The following RGS19 variants were observed in gnomAD, a reference collection of about 807,000 sequenced individuals.
RGS19 encodes regulator of G protein signaling 19.
Under a neutral mutation model 22.0 loss-of-function variants are expected in RGS19, and 9 were observed. The observed-to-expected ratio is 0.41, with a 90% CI of 0.25 to 0.71. The LOEUF is 0.71. Among genes scored for constraint, RGS19 ranks in the 30% least tolerant of loss-of-function variants. The pLI is 0.32. For missense variants in RGS19, 256 were observed against 307.1 expected (o/e 0.83, Z 1.24); for synonymous variants, 130 against 127.3 (o/e 1.02, Z -0.14).
chr20:64,076,186 C>T (rs1474378333), intron 3 of RGS19, among the ~76,000 whole-genome samples: 1 of 152,252 alleles, frequency 6.6e-6, no homozygotes, highest in Non-Finnish European at 1.5e-5. Flanking sequence ...TGGCCTGTGC[C>T]TGTCTTACTC....
chr20:64,077,831 C>T (rs1569263795), intron 1 of RGS19, among the ~76,000 whole-genome samples: 1 of 152,144 alleles, frequency 6.6e-6, no homozygotes, highest in Non-Finnish European at 1.5e-5. Flanking sequence ...GCCCTCATGC[C>T]ACCTAAGATG....
At position 64,074,704 on chromosome 20, in the gene RGS19, C is replaced by T. The variant is rs79889950; in HGVS notation, c.153-163G>A. Among the ~76,000 whole-genome samples, 384 of 152,328 alleles carry T rather than the reference C, an allele frequency of 2.5e-3. 18 individuals carry two copies. In the East Asian group the frequency reaches 0.068, roughly 27 times the overall value. ...ATGGGCACCCACTGCAGGAGGGCAG[C>T]CCCTGGAGCTGGCTCTTCCCACACT... On this transcript the variant is annotated intron_variant, in intron 3 of 5. Coordinates refer to ENST00000395042, the MANE Select transcript of RGS19 (RefSeq NM_005873.3).
chr20:64,074,481 G>A lies in RGS19; in HGVS notation c.213C>T (p.Pro71=), dbSNP rs748769650. Residue 71 remains proline (P), a synonymous_variant, in exon 4 of 6, where the codon CCC becomes CCT. Coordinates refer to ENST00000395042, the MANE Select transcript of RGS19 (RefSeq NM_005873.3). The part of the protein sequence containing the change: ...ASRESKLQPL[P]SCEVCATPSP... ...GCTGGACTCACCATACTTCACAGCT[G>A]GGGAGGGGCTGCAGCTTGCTCTCCC... 1 of 1,585,082 alleles carries A rather than the reference G, an allele frequency of 6.3e-7. No homozygotes were observed. The highest frequency in any genetic ancestry group is 8.6e-7 in the Non-Finnish European group (1 of 1,166,460).
At position 64,074,048 on chromosome 20, in the gene RGS19, C is replaced by G. The variant is rs1231022068; in HGVS notation, c.463-4G>C. On this transcript the variant is annotated splice_polypyrimidine_tract_variant and splice_region_variant and intron_variant, in intron 5 of 5. Coordinates refer to ENST00000395042, the MANE Select transcript of RGS19 (RefSeq NM_005873.3). ...GCACACGGGAGTCCAGGCTCACCTG[C>G]AGGACAAGACACTGAGGTCAGGGGG... 1 of 1,608,268 alleles carries G rather than the reference C, an allele frequency of 6.2e-7. No homozygotes were observed. The highest frequency in any genetic ancestry group is 2.2e-5 in the East Asian group (1 of 44,754).
At position 64,074,459 on chromosome 20, in the gene RGS19, G is replaced by A; in HGVS notation, c.227+8C>T. The A allele has an allele frequency of 6.3e-7, 1 of 1,584,610 alleles. No individual in the cohort carries two copies. The highest frequency in any genetic ancestry group is 8.6e-7 in the Non-Finnish European group (1 of 1,165,888). On this transcript the variant is annotated splice_region_variant and intron_variant, in intron 4 of 5. Transcript: ENST00000395042. ...CCCAGCACGCACACACCAGCCGGCT[G>A]GACTCACCATACTTCACAGCTGGGG...
intron 3 of RGS19, among the ~76,000 whole-genome samples, chr20:64,074,828 T>C (rs1234877809): frequency 6.6e-6 from 1 of 152,236 alleles, no homozygotes; most frequent in African/African-American, 2.4e-5. Flanking sequence ...ATTCCAGCAG[T>C]GTGACCCAGT....
chr20:64,075,014 CAAGATG>C lies in RGS19; in HGVS notation c.153-479_153-474del, dbSNP rs2059894111. 6.6e-6 allele frequency among the ~76,000 whole-genome samples: 1 copy of C among 151,520 alleles called. No homozygotes were observed. Among genetic ancestry groups the C allele is most frequent in the South Asian group, 2.1e-4 (1 of 4,772 alleles). On this transcript the variant is annotated intron_variant, in intron 3 of 5. Transcript: ENST00000395042. This position sits in a 1 kb window ranked among gnomAD's most constrained non-coding sequence, Gnocchi z 4.6. Reference sequence around the variant, plus strand: ...CTCCCCTGGGGGAGATGGGGTGGGGCAAGATGAGGGGCCACAAGGAGCTGGGAGATC... The same window carrying C: ...CTCCCCTGGGGGAGATGGGGTGGGGCAGGGGCCACAAGGAGCTGGGAGATC...
chr20:64,074,212 G>A lies in RGS19; in HGVS notation c.394C>T (p.Gln132Ter). 6.2e-7 allele frequency: 1 copy of A among 1,614,050 alleles called. No individual in the cohort carries two copies. Among genetic ancestry groups the A allele is most frequent in the Non-Finnish European group, 8.5e-7 (1 of 1,180,010 alleles). The change falls in exon 5 of 6, where the codon CAG becomes TAG. Residue 132 changes from glutamine to a stop codon, truncating the protein, a stop_gained. Coordinates refer to ENST00000395042, the MANE Select transcript of RGS19 (RefSeq NM_005873.3). LOFTEE classifies it high-confidence loss of function. ...CTCGCCTTCTCGTCTACCACATGCTGGTTGGCCTCGGCCTTCAGCTCCTCG... is the reference window on the plus strand; with the variant it reads ...CTCGCCTTCTCGTCTACCACATGCTAGTTGGCCTCGGCCTTCAGCTCCTCG... ...ACEELKAEAN[Q>*]HVVDEKARLI...
At chr20:64,076,469 G>C (rs2059906249) in intron 3 of RGS19, 56 bp downstream of exon 3, 1 of 1,603,460 alleles carries the variant, frequency 6.2e-7, no homozygotes, top group African/African-American at 1.3e-5. Context: ...TCCTGGGTCT[G>C]CTTGGCCCCA....
Position 64,074,039 on chromosome 20 carries a change from G to A in RGS19, c.468C>T (p.Ser156=). ...YVSILSPKEV[S]LDSRVREGIN... is the part of the protein sequence containing the mutation. The stretch of plus-strand genomic sequence containing the variant: ...TGCCCTCCCGCACACGGGAGTCCAG[G>A]CTCACCTGCAGGACAAGACACTGAG... Residue 156 remains serine (S), a synonymous_variant, in exon 6 of 6, where the codon AGC becomes AGT. Transcript: ENST00000395042. 1.2e-6 allele frequency: 2 copies of A among 1,611,754 alleles called. No homozygotes were observed. Among genetic ancestry groups the A allele is most frequent in the African/African-American group, 1.3e-5 (1 of 75,028 alleles).
At chr20:64,074,577 C>A in intron 3 of RGS19, 36 bp from the exon 4 acceptor site, 1 of 1,525,098 alleles carries the variant, frequency 6.6e-7, no homozygotes, top group Non-Finnish European at 8.8e-7. Flanking sequence ...GCCGTGGGCA[C>A]ACACGCCTCC....
Position 64,074,546 on chromosome 20 carries a change from T to C in RGS19, c.153-5A>G, listed in dbSNP as rs2059889205. 1 of 1,554,302 alleles carries C rather than the reference T, an allele frequency of 6.4e-7. No homozygotes were observed. The highest frequency in any genetic ancestry group is 8.7e-7 in the Non-Finnish European group (1 of 1,149,784). On this transcript the variant is annotated splice_polypyrimidine_tract_variant and splice_region_variant and intron_variant, in intron 3 of 5. Coordinates refer to ENST00000395042, the MANE Select transcript of RGS19 (RefSeq NM_005873.3). The stretch of plus-strand genomic sequence containing the variant: ...GCGCGCCGCCGCTCTTGGTTCCTAG[T>C]GGCAGAGAGGAAGCAGCGCTGCCGT...
chr20:64,074,016 C>T lies in RGS19; in HGVS notation c.491G>A (p.Gly164Asp). The T allele has an allele frequency of 6.2e-7, 1 of 1,613,172 alleles. No individual in the cohort carries two copies. The highest frequency in any genetic ancestry group is 8.5e-7 in the Non-Finnish European group (1 of 1,179,564). ...EVSLDSRVREGINKKMQEPSA... is the reference protein window; with the variant it reads ...EVSLDSRVREDINKKMQEPSA... ...CGGCTCCTGCATCTTCTTGTTGATG[C>T]CCTCCCGCACACGGGAGTCCAGGCT... The change falls in exon 6 of 6, where the codon GGC becomes GAC. Residue 164 changes from glycine to aspartate, a missense_variant. Physicochemically the swap from Gly to Asp is moderately conservative, Grantham distance 94. Coordinates refer to ENST00000395042, the MANE Select transcript of RGS19 (RefSeq NM_005873.3).
chr20:64,078,017 T>G (rs894880014), intron 1 of RGS19, among the ~76,000 whole-genome samples: 4 of 152,162 alleles, frequency 2.6e-5, no homozygotes, highest in Non-Finnish European at 5.9e-5. Flanking sequence ...CACAACTTGA[T>G]TCTACTTTAT....
rs765300682 is a variant in RGS19, at chr20:64,074,300, G to T, written c.306C>A (p.Ser102Arg). Reference sequence around the variant, plus strand: ...CTGTCCGCAGGAACGCCCGGAACACGCTGCGTCCCGCTGGGCTGTGCATCA... The same window carrying T: ...CTGTCCGCAGGAACGCCCGGAACACTCTGCGTCCCGCTGGGCTGTGCATCA... ...DKLMHSPAGR[S>R]VFRAFLRTEY... Residue 102 changes from serine to arginine, a missense_variant, in exon 5 of 6, where the codon AGC becomes AGA. Transcript: ENST00000395042. 121 of 1,612,678 alleles carry T rather than the reference G, an allele frequency of 7.5e-5. No individual in the cohort carries two copies. The highest frequency in any genetic ancestry group is 9.6e-5 in the Non-Finnish European group (113 of 1,180,020).
At position 64,074,299 on chromosome 20, in the gene RGS19, C is replaced by T. The variant is rs761093596; in HGVS notation, c.307G>A (p.Val103Met). The T allele has an allele frequency of 4.0e-5, 65 of 1,612,862 alleles. 1 individual carries two copies. Among genetic ancestry groups the T allele is most frequent in the South Asian group, 1.4e-4 (13 of 91,092 alleles). The change falls in exon 5 of 6, where the codon GTG (valine) becomes ATG (methionine). Residue 103 changes from valine to methionine, a missense_variant. Val to Met is a conservative substitution (Grantham distance 21). Coordinates refer to ENST00000395042, the MANE Select transcript of RGS19 (RefSeq NM_005873.3). ...KLMHSPAGRS[V>M]FRAFLRTEYS... ...TCTGTCCGCAGGAACGCCCGGAACA[C>T]GCTGCGTCCCGCTGGGCTGTGCATC...
In RGS19 at chr20:64,076,972, G is replaced by C; in HGVS notation, c.-68-18C>G. 7.8e-7 allele frequency: 1 copy of C among 1,274,256 alleles called. No individual in the cohort carries two copies. The highest frequency in any genetic ancestry group is 1.7e-5 in the South Asian group (1 of 59,730). 78.9% of individuals were successfully genotyped at this position (1,274,256 alleles called of 1,614,324 possible). On this transcript the variant is annotated intron_variant, in intron 1 of 5. Transcript: ENST00000395042. Reference sequence around the variant, plus strand: ...CTGGGGGTCTGGGGAGAGGGGCCAAGGTTCTGACTGAGAACCTGAAACCCC... The same window carrying C: ...CTGGGGGTCTGGGGAGAGGGGCCAACGTTCTGACTGAGAACCTGAAACCCC...
chr20:64,075,270 C>T lies in RGS19; in HGVS notation c.153-729G>A, dbSNP rs905518511. 4.6e-5 allele frequency among the ~76,000 whole-genome samples: 7 copies of T among 152,342 alleles called. No individual in the cohort carries two copies. Among genetic ancestry groups the T allele is most frequent in the Admixed American group, 2.0e-4 (3 of 15,306 alleles). ...GGTCTGGCGTGTCAGCAGTGTCTCTCGTCGGCTGACGCAGGTGAGAGCCCC... is the reference window on the plus strand; with the variant it reads ...GGTCTGGCGTGTCAGCAGTGTCTCTTGTCGGCTGACGCAGGTGAGAGCCCC... On this transcript the variant is annotated intron_variant, in intron 3 of 5. Coordinates refer to ENST00000395042, the MANE Select transcript of RGS19 (RefSeq NM_005873.3). The surrounding 1 kb of genome is among the most constrained non-coding windows in gnomAD (Gnocchi z 4.6).
chr20:64,079,844 T>C (rs2059946482), upstream of RGS19: 2 of 149,682 alleles, frequency 1.3e-5, no homozygotes, highest in African/African-American at 4.9e-5. The surrounding 1 kb of genome is among the most constrained non-coding windows in gnomAD (Gnocchi z 5.1). Flanking sequence ...GCAGGGCCGC[T>C]GTCCCCGGCG....
Sources: gnomAD v4.1 joint callset for allele counts (sites outside exome capture counted in the v4.1 genomes callset) on GRCh38, gnomAD v4.1.1 for gene constraint, Gnocchi (gnomAD v3.1) non-coding constraint, MANE v1.5 for transcripts, NCBI Gene and HGNC (gene_info 2026-07-23, HGNC 2026-07-21) for gene names.